Variants in SCNN1B observed in about 807,000 individuals in gnomAD.
SCNN1B encodes epithelial sodium channel subunit beta.
SCNN1B carries 46 observed loss-of-function variants against 65.3 expected under a neutral mutation model. The ratio of observed to expected loss-of-function variants is 0.70; its 90% CI spans 0.56 to 0.90. The LOEUF (loss-of-function observed/expected upper bound fraction) is 0.90. Among genes scored for constraint, SCNN1B ranks in the 40% least tolerant of loss-of-function variants. The pLI is 0.00. For missense variants in SCNN1B, 751 were observed against 830.5 expected, an observed-to-expected ratio of 0.90 and a Z score of 1.18; for synonymous variants, 349 against 330.6, an observed-to-expected ratio of 1.06 and a Z score of -0.60.
intron 2 of SCNN1B, among the ~76,000 whole-genome samples, chr16:23,293,612 C>A (rs1363859284): frequency 2.6e-5 from 4 of 152,070 alleles, no homozygotes; most frequent in African/African-American, 9.7e-5. Flanking sequence ...GTATTTAATG[C>A]CTCTGAGATG....
chr16:23,363,722 G>A (rs572266685), intron 4 of SCNN1B, among the ~76,000 whole-genome samples: 1 of 152,022 alleles, frequency 6.6e-6, no homozygotes, highest in Admixed American at 6.6e-5. Context: ...GCTGAGGCAG[G>A]AGAATATCTT....
chr16:23,346,321 A>G (rs867713056), intron 1 of SCNN1B, among the ~76,000 whole-genome samples: 13 of 139,506 alleles, frequency 9.3e-5, no homozygotes, highest in Middle Eastern at 4.4e-3. Context: ...TCCACCTCCC[A>G]GGCTAAAGCA....
At chr16:23,289,274 G>A (rs2141969711) in intron 2 of SCNN1B, among the ~76,000 whole-genome samples, 1 of 152,300 alleles carries the variant, frequency 6.6e-6, no homozygotes, top group Non-Finnish European at 1.5e-5. Flanking sequence ...ACCAGTGGAG[G>A]CTGCGTGTGG....
At chr16:23,316,575 CCACCA>C (rs1961471649) in intron 1 of SCNN1B, among the ~76,000 whole-genome samples, 1 of 130,670 alleles carries the variant, frequency 7.7e-6, no homozygotes, top group African/African-American at 4.4e-5. Context: ...CTCACCATCA[CCACCA>C]TCACCATCTT....
At chr16:23,294,264 C>T (rs920905253) in intron 2 of SCNN1B, among the ~76,000 whole-genome samples, 2 of 152,184 alleles carry the variant, frequency 1.3e-5, no homozygotes, top group East Asian at 1.9e-4. Context: ...CGCGAGATGG[C>T]GTGCAACCTG....
At chr16:23,298,357 T>C (rs1352792056), upstream of SCNN1B, among the ~76,000 whole-genome samples, 2 of 152,196 alleles carry the variant, frequency 1.3e-5, no homozygotes, top group Non-Finnish European at 2.9e-5. Flanking sequence ...AGTGTTAGGC[T>C]CTGTCCCTGC....
upstream of SCNN1B, among the ~76,000 whole-genome samples, chr16:23,300,955 C>T (rs1364828564): frequency 6.6e-6 from 1 of 151,364 alleles, no homozygotes; most frequent in Non-Finnish European, 1.5e-5. Flanking sequence ...TGGAAAGTAT[C>T]ATTATATAAA....
At chr16:23,340,272 T>G (rs1962028415) in intron 1 of SCNN1B, among the ~76,000 whole-genome samples, 1 of 152,354 alleles carries the variant, frequency 6.6e-6, no homozygotes, top group Non-Finnish European at 1.5e-5. Flanking sequence ...CCATGTCTTT[T>G]GAAAAGCAGA....
At chr16:23,336,142 C>T (rs1377454945) in intron 1 of SCNN1B, among the ~76,000 whole-genome samples, 2 of 152,210 alleles carry the variant, frequency 1.3e-5, no homozygotes, top group Non-Finnish European at 2.9e-5. Flanking sequence ...TATTTTCAGA[C>T]CTGCCCTTTG....
chr16:23,345,549 C>T (rs1403619573), intron 1 of SCNN1B, among the ~76,000 whole-genome samples: 6 of 152,118 alleles, frequency 3.9e-5, no homozygotes, highest in Admixed American at 2.0e-4. Flanking sequence ...GAAGACTTCC[C>T]GTTTGGGCTG....
At chr16:23,310,277 T>C (rs1344928910) in intron 1 of SCNN1B, among the ~76,000 whole-genome samples, 1 of 135,872 alleles carries the variant, frequency 7.4e-6, no homozygotes, top group Non-Finnish European at 1.5e-5. Flanking sequence ...AAAGTTAGTA[T>C]GTTCTGCATG....
At chr16:23,293,853 G>A (rs1960960265) in intron 2 of SCNN1B, among the ~76,000 whole-genome samples, 1 of 152,150 alleles carries the variant, frequency 6.6e-6, no homozygotes, top group African/African-American at 2.4e-5. Flanking sequence ...GAGCCTAGGA[G>A]GTGGAGGCTG....
intron 2 of SCNN1B, among the ~76,000 whole-genome samples, chr16:23,288,905 C>G (rs1008065683): frequency 6.6e-6 from 1 of 152,196 alleles, no homozygotes; most frequent in Non-Finnish European, 1.5e-5. Context: ...CAGTTCCTGT[C>G]TGGTTTTTGC....
chr16:23,348,476 GTA>G lies in SCNN1B; in HGVS notation c.-8-115_-8-114del, dbSNP rs951053617. Reference sequence around the variant, plus strand: ...AAAAGGGAGGGAGGGAGGGGGGAGGGTAAAGAGGGAGGAAGAACGGGGACGTA... The same window carrying G: ...AAAAGGGAGGGAGGGAGGGGGGAGGGAAGAGGGAGGAAGAACGGGGACGTA... On this transcript the variant is annotated intron_variant, in intron 1 of 12. Transcript: ENST00000343070. This position sits in a 1 kb window ranked among gnomAD's most constrained non-coding sequence, Gnocchi z 4.5. The G allele has an allele frequency of 1.9e-5, 15 of 797,976 alleles. No homozygotes were observed. The Admixed American group carries it at 2.2e-4, about 12-fold the overall frequency. 49.4% of individuals were successfully genotyped at this position (797,976 alleles called of 1,614,324 possible).
chr16:23,307,860 A>G (rs1281677058), intron 1 of SCNN1B, among the ~76,000 whole-genome samples: 1 of 152,150 alleles, frequency 6.6e-6, no homozygotes, highest in Non-Finnish European at 1.5e-5. Context: ...GTCCAGCCCA[A>G]GCAACATAGC....
At chr16:23,360,225 T>TAAATAAATAAATAAAC (rs748501690) in intron 4 of SCNN1B, among the ~76,000 whole-genome samples, 274 of 150,126 alleles carry the variant, frequency 1.8e-3, no homozygotes, top group Middle Eastern at 3.5e-3. Flanking sequence ...AATAAATAAA[T>TAAATAAATAAATAAAC]AAACAAATAA....
intron 1 of SCNN1B, among the ~76,000 whole-genome samples, chr16:23,334,856 T>C (rs1271965980): frequency 1.3e-5 from 2 of 152,214 alleles, no homozygotes; most frequent in Non-Finnish European, 2.9e-5. Flanking sequence ...GCTGTCCAAA[T>C]GACTGCACCA....
intron 7 of SCNN1B, 65 bp downstream of exon 7, chr16:23,371,948 A>G: frequency 8.5e-7 from 1 of 1,180,740 alleles, no homozygotes; most frequent in East Asian, 2.3e-5. Context: ...CCAAGGCCTC[A>G]GTACTCCGGG....
intron 4 of SCNN1B, among the ~76,000 whole-genome samples, chr16:23,362,098 A>G (rs152736): frequency 0.097 from 14,757 of 152,018 alleles, 1,284 homozygotes; most frequent in African/African-American, 0.23. Flanking sequence ...TAATCCCAGC[A>G]CTTTGGGAGG....
Sources: allele counts gnomAD v4.1 joint callset (sites outside exome capture counted in the v4.1 genomes callset), GRCh38; gene constraint gnomAD v4.1.1; non-coding constraint Gnocchi (gnomAD v3.1); transcripts MANE v1.5; gene names NCBI Gene and HGNC (gene_info 2026-07-23, HGNC 2026-07-21).